KAZN: variants seen among roughly 807,000 people sequenced by gnomAD.
KAZN encodes the protein kazrin.
A neutral mutation model predicts 87.4 loss-of-function variants in KAZN; 40 were observed. That is an observed-to-expected ratio of 0.46 (90% CI 0.36 to 0.60). The LOEUF (loss-of-function observed/expected upper bound fraction) is 0.60, where lower values mean the gene tolerates loss of function less well. Among genes scored for constraint, KAZN ranks in the 20% least tolerant of loss-of-function variants. The probability of loss-of-function intolerance (pLI) is 0.00; values close to 1 mark genes in which losing one functional copy is unlikely to be tolerated. For synonymous variants in KAZN, 466 were observed against 458.3 expected, an observed-to-expected ratio of 1.02 and a Z score of -0.22; for missense variants, 898 against 1,073.9, an observed-to-expected ratio of 0.84 and a Z score of 2.29.
intron 1 of KAZN, among the ~76,000 whole-genome samples, chr1:14,082,486 T>C (rs898430089): frequency 2.0e-5 from 3 of 152,094 alleles, no homozygotes; most frequent in African/African-American, 7.2e-5. Context: ...CTTAAATGAC[T>C]GCCCGGAGAT....
At chr1:14,970,360 C>T (rs532320046) in intron 2 of KAZN, among the ~76,000 whole-genome samples, 4 of 152,160 alleles carry the variant, frequency 2.6e-5, no homozygotes, top group Non-Finnish European at 5.9e-5. Flanking sequence ...TCTGCAAGGC[C>T]AGGCTCCTTG....
At chr1:14,496,484 T>G (rs551784723) in intron 2 of KAZN, among the ~76,000 whole-genome samples, 2 of 152,204 alleles carry the variant, frequency 1.3e-5, no homozygotes, top group South Asian at 4.1e-4. Flanking sequence ...ATATTTTTAT[T>G]TTCATAAAGG....
At chr1:14,529,644 C>A (rs1365477506) in intron 2 of KAZN, among the ~76,000 whole-genome samples, 1 of 152,100 alleles carries the variant, frequency 6.6e-6, no homozygotes, top group East Asian at 1.9e-4. Context: ...AAGAGAAAGG[C>A]TGCCCCAATA....
intron 1 of KAZN, among the ~76,000 whole-genome samples, chr1:14,157,725 A>G (rs1570898310): frequency 6.6e-6 from 1 of 152,256 alleles, no homozygotes; most frequent in East Asian, 1.9e-4. Flanking sequence ...CCATTTTCCC[A>G]CTGCTACAAA....
intron 2 of KAZN, among the ~76,000 whole-genome samples, chr1:14,188,692 T>C (rs1646363568): frequency 6.6e-6 from 1 of 152,166 alleles, no homozygotes; most frequent in Non-Finnish European, 1.5e-5. Flanking sequence ...CTCAATTATG[T>C]ACCCATAGAT....
At chr1:15,078,578 G>A (rs574806852) in intron 8 of KAZN, among the ~76,000 whole-genome samples, 3 of 152,242 alleles carry the variant, frequency 2.0e-5, no homozygotes, top group Non-Finnish European at 4.4e-5. Context: ...CAGACAAGGC[G>A]GGGAGCAGGG....
chr1:13,966,378 T>C lies in KAZN; in HGVS notation c.91+72622T>C, dbSNP rs1312648287. Among the ~76,000 whole-genome samples, 18 of 152,066 alleles carry C rather than the reference T, an allele frequency of 1.2e-4. 1 individual carries two copies. Among genetic ancestry groups the C allele is most frequent in the Admixed American group, 1.2e-3 (18 of 15,280 alleles). On this transcript the variant is annotated intron_variant, in intron 1 of 16. Transcript: ENST00000636203. Reference sequence around the variant, plus strand: ...CTTTGCTTGAACTTCTTCTCAGCCCTGGCTCTGACCTGTCTTTACAGTGGC... The same window carrying C: ...CTTTGCTTGAACTTCTTCTCAGCCCCGGCTCTGACCTGTCTTTACAGTGGC...
intron 1 of KAZN, among the ~76,000 whole-genome samples, chr1:14,621,976 A>G (rs902169375): frequency 6.6e-6 from 1 of 152,252 alleles, no homozygotes; most frequent in Admixed American, 6.5e-5. Flanking sequence ...CGGCTTGAAC[A>G]GGGCATAAAG....
chr1:14,244,499 A>C (rs1649306710), intron 2 of KAZN, among the ~76,000 whole-genome samples: 1 of 152,232 alleles, frequency 6.6e-6, no homozygotes, highest in African/African-American at 2.4e-5. Flanking sequence ...CTAGGGAAAC[A>C]GCAGGGAGCA....
At chr1:14,728,052 G>A (rs1203850351) in intron 1 of KAZN, among the ~76,000 whole-genome samples, 3 of 151,752 alleles carry the variant, frequency 2.0e-5, no homozygotes, top group Non-Finnish European at 2.9e-5. Context: ...TTGGGAGGCC[G>A]AGACGGGCGG....
intron 1 of KAZN, among the ~76,000 whole-genome samples, chr1:14,105,060 G>GCGCT (rs1367229203): frequency 3.9e-5 from 6 of 152,162 alleles, no homozygotes; most frequent in African/African-American, 1.4e-4. Flanking sequence ...TGTGTCTCAA[G>GCGCT]GGATACACTG....
rs536768654 is a variant in KAZN at position 15,068,099 on chromosome 1, A to G, written c.1222+2346A>G. On this transcript the variant is annotated intron_variant, in intron 8 of 14. Transcript: ENST00000376030. The stretch of plus-strand genomic sequence containing the variant: ...TGGGAAAGGTTTCTCGAAGGCATGG[A>G]TGCAAATATAAAATATTAAAAAAAA... The G allele has an allele frequency of 5.4e-5, 50 of 918,044 alleles. No homozygotes were observed. The East Asian group carries it at 1.9e-3, about 35-fold the overall frequency. The allele number at this position is 918,044 out of a possible 1,614,324, so 56.9% of individuals were successfully genotyped here.
chr1:14,218,732 A>C (rs1647023234), intron 2 of KAZN, among the ~76,000 whole-genome samples: 1 of 152,154 alleles, frequency 6.6e-6, no homozygotes, highest in African/African-American at 2.4e-5. Context: ...GTAAATAATG[A>C]GGGCAAAAAA....
chr1:14,249,552 G>C (rs143249189), intron 2 of KAZN, among the ~76,000 whole-genome samples: 188 of 152,278 alleles, frequency 1.2e-3, no homozygotes, highest in Non-Finnish European at 1.4e-3. Flanking sequence ...GCTTTGCTCC[G>C]TGCTGTCTTC....
At chr1:13,991,422 C>T (rs935170374) in intron 1 of KAZN, among the ~76,000 whole-genome samples, 3 of 150,830 alleles carry the variant, frequency 2.0e-5, no homozygotes, top group Non-Finnish European at 4.4e-5. Context: ...ACATGTATCC[C>T]GGAACTTAAA....
At chr1:14,826,538 C>T (rs996573790) in intron 1 of KAZN, among the ~76,000 whole-genome samples, 12 of 152,180 alleles carry the variant, frequency 7.9e-5, no homozygotes, top group Non-Finnish European at 1.3e-4. Flanking sequence ...GCTGATGGCC[C>T]GTTCCCCATG....
chr1:14,669,016 C>A (rs1178225098), intron 1 of KAZN, among the ~76,000 whole-genome samples: 1 of 152,182 alleles, frequency 6.6e-6, no homozygotes, highest in Non-Finnish European at 1.5e-5. Flanking sequence ...GGGGGATTTT[C>A]AAAGGTTTAT....
chr1:14,547,598 G>A (rs1673236687), intron 2 of KAZN, among the ~76,000 whole-genome samples: 2 of 152,028 alleles, frequency 1.3e-5, no homozygotes, highest in Non-Finnish European at 2.9e-5. Flanking sequence ...CGCTGTTGTT[G>A]TTGTTACAGA....
chr1:14,246,469 G>A (rs936181592), intron 2 of KAZN, among the ~76,000 whole-genome samples: 1 of 151,740 alleles, frequency 6.6e-6, no homozygotes, highest in Non-Finnish European at 1.5e-5. Context: ...TTGCAAAATT[G>A]TAAGGATTTT....
Sources: allele counts gnomAD v4.1 joint callset (sites outside exome capture counted in the v4.1 genomes callset), GRCh38; gene constraint gnomAD v4.1.1; transcripts MANE v1.5; gene names NCBI Gene and HGNC (gene_info 2026-07-23, HGNC 2026-07-21).